Variants in CERS5 observed in about 807,000 individuals in gnomAD.
The protein encoded by CERS5 is LAG1 homolog, ceramide synthase 5.
In CERS5, 37 loss-of-function variants were observed where a neutral mutation model predicts 58.9. That is an observed-to-expected ratio of 0.63 (90% CI 0.48 to 0.83). The LOEUF (loss-of-function observed/expected upper bound fraction) is 0.83. Ranked by LOEUF, CERS5 falls within the 40% of genes least tolerant of loss-of-function variation. The pLI is 0.00. For missense variants in CERS5, 398 were observed against 489.3 expected (o/e 0.81, Z 1.76); for synonymous variants, 147 against 177.8 (o/e 0.83, Z 1.38).
At chr12:50,138,455 T>C (rs1592352603) in intron 5 of CERS5, 112 bp downstream of exon 5, 1 of 882,780 alleles carries the variant, frequency 1.1e-6, no homozygotes, top group Non-Finnish European at 1.9e-6. Flanking sequence ...CAGTCCCTAA[T>C]CCCTCAATCC....
rs1938215546 is a variant in CERS5, at chr12:50,153,508, G to T, written c.198-9451C>A. Among the ~76,000 whole-genome samples the T allele has an allele frequency of 3.3e-5, 5 of 151,360 alleles. No individual in the cohort carries two copies. The South Asian group carries it at 1.1e-3, about 32-fold the overall frequency. ...TTGGCCAGGATGCTCTCAATCTCTT[G>T]ACCTTGTGATGCGCCCACCTCGGCC... On this transcript the variant is annotated intron_variant, in intron 1 of 9. Transcript: ENST00000317551.
chr12:50,130,457 A>G lies in CERS5; in HGVS notation c.*88T>C, dbSNP rs1185531971. 2 of 1,242,934 alleles carry G rather than the reference A, an allele frequency of 1.6e-6. No homozygotes were observed. Among genetic ancestry groups the G allele is most frequent in the Non-Finnish European group, 2.2e-6 (2 of 918,094 alleles). 77.0% of individuals were successfully genotyped at this position (1,242,934 alleles called of 1,614,324 possible). A position where few individuals can be genotyped will look rare whatever the true frequency, so the allele number is the denominator to read the frequency against. ...CAGTGCCTTGCAGTCTCCCAATCAC[A>G]GAAGAGTAGATATGGGAAGGGCCAA... On this transcript the variant is annotated 3_prime_UTR_variant, in exon 10 of 10. Transcript: ENST00000317551.
chr12:50,162,892 C>G (rs1337186286), intron 1 of CERS5, among the ~76,000 whole-genome samples: 1 of 152,028 alleles, frequency 6.6e-6, no homozygotes, highest in South Asian at 2.1e-4. Flanking sequence ...GCATGAGCCA[C>G]TGTGCCTGGC....
In CERS5 at chr12:50,129,448, A is replaced by G. The variant is rs1951192090; in HGVS notation, c.*1097T>C. The G allele has an allele frequency of 6.6e-6, 1 of 152,064 alleles. No individual in the cohort carries two copies. Among genetic ancestry groups the G allele is most frequent in the South Asian group, 2.1e-4 (1 of 4,830 alleles). 9.4% of individuals were successfully genotyped at this position (152,064 alleles called of 1,614,324 possible). A position where few individuals can be genotyped will look rare whatever the true frequency, so the allele number is the denominator to read the frequency against. On this transcript the variant is annotated 3_prime_UTR_variant, in exon 10 of 10. Coordinates refer to ENST00000317551, the MANE Select transcript of CERS5 (RefSeq NM_147190.5). ...AAAAGCATATTCATTCATATTTCAC[A>G]ACAATATTAGTCTATTCAATATAGC... is the stretch of plus-strand genomic sequence containing the variant.
intron 1 of CERS5, among the ~76,000 whole-genome samples, chr12:50,163,960 ATTTTT>A (rs34267480): frequency 7.4e-6 from 1 of 134,960 alleles, no homozygotes; most frequent in African/African-American, 2.8e-5. Context: ...AGCCTCTACA[ATTTTT>A]TTTTTTTTTT....
chr12:50,130,562 AGCT>A lies in CERS5; in HGVS notation c.1159_1161del (p.Ser387del), dbSNP rs1565759589. 1.2e-6 allele frequency: 2 copies of A among 1,608,340 alleles called. No individual in the cohort carries two copies. The highest frequency in any genetic ancestry group is 2.7e-5 in the African/African-American group (2 of 74,970). ...CAACCACCTTACTCTTCAGCCCAGT[AGCT>A]GCCTCCCATGTGACCATTCACCCGA... On this transcript the variant is annotated inframe_deletion, in exon 10 of 10. Coordinates refer to ENST00000317551, the MANE Select transcript of CERS5 (RefSeq NM_147190.5).
chr12:50,154,325 G>C, intron 1 of CERS5: 1 of 212,476 alleles, frequency 4.7e-6, no homozygotes, highest in South Asian at 4.8e-5. Context: ...TCCAGCCTGG[G>C]AACAGAGCAA....
intron 1 of CERS5, chr12:50,154,172 G>A: frequency 3.4e-6 from 1 of 295,944 alleles, no homozygotes; most frequent in Non-Finnish European, 6.8e-6. Flanking sequence ...GGCCAACATG[G>A]TGAAACCCCA....
At chr12:50,151,112 T>TC (rs1407627973) in intron 1 of CERS5, among the ~76,000 whole-genome samples, 1 of 152,050 alleles carries the variant, frequency 6.6e-6, no homozygotes, top group Non-Finnish European at 1.5e-5. Context: ...AAAACAGCCC[T>TC]CCCGGTCCCT....
chr12:50,147,600 C>T (rs946658314), intron 1 of CERS5, among the ~76,000 whole-genome samples: 1 of 152,150 alleles, frequency 6.6e-6, no homozygotes, highest in African/African-American at 2.4e-5. Flanking sequence ...AATCTATTCT[C>T]TCTCATGAGA....
intron 1 of CERS5, chr12:50,166,232 A>G: frequency 5.5e-6 from 1 of 180,300 alleles, no homozygotes; most frequent in Admixed American, 6.4e-5. Flanking sequence ...CTGAGGCAGG[A>G]GAATCGCTTC....
intron 4 of CERS5, among the ~76,000 whole-genome samples, chr12:50,140,873 A>G (rs532833264): frequency 4.9e-4 from 73 of 149,968 alleles, no homozygotes; most frequent in Admixed American, 1.5e-3. Context: ...GTTTAGGTCA[A>G]TTACTGAGAG....
chr12:50,144,689 G>T, intron 1 of CERS5: 1 of 749,488 alleles, frequency 1.3e-6, no homozygotes, highest in Non-Finnish European at 2.1e-6. Context: ...TAGGAAAGGT[G>T]AGAAGGAAAT....
chr12:50,142,940 A>G lies in CERS5; in HGVS notation c.434+134T>C, dbSNP rs113019431. ...GTTCCAGTTCCCTTCTTTCCTACCT[A>G]TAATAGGCTGAGTTAGTTCTCTATA... On this transcript the variant is annotated intron_variant, in intron 3 of 9. Transcript: ENST00000317551. The G allele has an allele frequency of 8.2e-6, 8 of 976,702 alleles. No homozygotes were observed. In the African/African-American group the frequency reaches 8.3e-5, roughly 10 times the overall value. 60.5% of individuals were successfully genotyped at this position (976,702 alleles called of 1,614,324 possible). A position where few individuals can be genotyped will look rare whatever the true frequency, so the allele number is the denominator to read the frequency against.
intron 9 of CERS5, chr12:50,133,809 C>T (rs767402949): frequency 1.3e-4 from 131 of 983,508 alleles, no homozygotes; most frequent in East Asian, 5.7e-4. Flanking sequence ...TGCGGTGGCT[C>T]ACGCCTGTAA....
intron 1 of CERS5, 31 bp downstream of exon 1, chr12:50,167,070 G>A (rs1364172181): frequency 1.1e-5 from 17 of 1,479,836 alleles, no homozygotes; most frequent in Admixed American, 9.4e-5. Context: ...CCCGCGCCCG[G>A]CCCCCGAGCC....
chr12:50,155,354 C>A (rs1238729668), intron 1 of CERS5, among the ~76,000 whole-genome samples: 1 of 151,880 alleles, frequency 6.6e-6, no homozygotes, highest in East Asian at 1.9e-4. Context: ...CAAGGTATTG[C>A]ACTTTTCAAG....
intron 1 of CERS5, chr12:50,144,666 G>C: frequency 1.6e-6 from 1 of 611,996 alleles, no homozygotes; most frequent in Admixed American, 3.1e-5. Flanking sequence ...CGAGAAGAAA[G>C]AAATCAGGAA....
intron 1 of CERS5, among the ~76,000 whole-genome samples, chr12:50,145,670 GAA>G (rs34463989): frequency 2.9e-4 from 43 of 148,610 alleles, no homozygotes; most frequent in East Asian, 1.4e-3. Flanking sequence ...CGGTGGGGGG[GAA>G]AAAAAAAATA....
Sources: gnomAD v4.1 joint callset for allele counts (sites outside exome capture counted in the v4.1 genomes callset) on GRCh38, gnomAD v4.1.1 for gene constraint, MANE v1.5 for transcripts, NCBI Gene and HGNC (gene_info 2026-07-23, HGNC 2026-07-21) for gene names.